The following FAM13A variants were observed in gnomAD, a reference collection of about 807,000 sequenced individuals.
The protein encoded by FAM13A is protein FAM13A.
In FAM13A, 76 loss-of-function variants were observed where a neutral mutation model predicts 129.6. That is an observed-to-expected ratio of 0.59 (90% CI 0.49 to 0.71). The LOEUF (loss-of-function observed/expected upper bound fraction) is 0.71. FAM13A is among the 30% of genes least tolerant of loss of function. The pLI is 0.00. For synonymous variants in FAM13A, 443 were observed against 449.9 expected (o/e 0.98, Z 0.20); for missense variants, 1,108 against 1,249.3 (o/e 0.89, Z 1.70).
chr4:88,750,418 A>C lies in FAM13A; in HGVS notation c.1940+6T>G. 1 of 1,609,960 alleles carries C rather than the reference A, an allele frequency of 6.2e-7. No homozygotes were observed. Among genetic ancestry groups the C allele is most frequent in the Non-Finnish European group, 8.5e-7 (1 of 1,176,156 alleles). On this transcript the variant is annotated splice_donor_region_variant and intron_variant, in intron 15 of 23. Transcript: ENST00000264344. ...ATTTGTCTATCAGCAACACAGAGAA[A>C]CATACCTCATGAAAGAATGGGAGTT...
At chr4:88,731,842 A>G (rs554397512) in intron 22 of FAM13A, 160 bp downstream of exon 22, 53 of 629,210 alleles carry the variant, frequency 8.4e-5, no homozygotes, top group Non-Finnish European at 1.3e-4. Flanking sequence ...TGAAGCATAT[A>G]AAAAAAGAAA....
At chr4:88,842,182 T>A (rs1735951563) in intron 7 of FAM13A, among the ~76,000 whole-genome samples, 2 of 152,212 alleles carry the variant, frequency 1.3e-5, no homozygotes, top group South Asian at 4.1e-4. Flanking sequence ...TGTGATTCTA[T>A]TTATATAAAA....
chr4:88,748,823 G>T, intron 17 of FAM13A, 129 bp downstream of exon 17: 1 of 751,320 alleles, frequency 1.3e-6, no homozygotes, highest in Non-Finnish European at 2.4e-6. Flanking sequence ...ACTCTGAATA[G>T]CTGAGAGTGC....
intron 1 of FAM13A, among the ~76,000 whole-genome samples, chr4:89,037,433 G>A (rs1009061789): frequency 1.3e-5 from 2 of 152,146 alleles, no homozygotes; most frequent in African/African-American, 4.8e-5. Context: ...CCTAACACCT[G>A]TACCCCATTT....
At chr4:88,834,196 G>C (rs1578874042) in intron 7 of FAM13A, among the ~76,000 whole-genome samples, 1 of 139,296 alleles carries the variant, frequency 7.2e-6, no homozygotes, top group Admixed American at 7.2e-5. Flanking sequence ...ATAGGCGTGA[G>C]CCGCCATGCC....
At chr4:88,965,644 C>T (rs1366982298) in intron 4 of FAM13A, among the ~76,000 whole-genome samples, 1 of 151,882 alleles carries the variant, frequency 6.6e-6, no homozygotes, top group East Asian at 1.9e-4. Flanking sequence ...TATTTATATC[C>T]ACATCGTTGT....
At chr4:88,927,269 T>C (rs1752352401) in intron 5 of FAM13A, among the ~76,000 whole-genome samples, 1 of 151,996 alleles carries the variant, frequency 6.6e-6, no homozygotes, top group Non-Finnish European at 1.5e-5. Context: ...GCTAGGTCCT[T>C]AATGGTATAT....
chr4:88,767,343 A>G (rs1745881406), intron 13 of FAM13A, among the ~76,000 whole-genome samples: 1 of 152,264 alleles, frequency 6.6e-6, no homozygotes, highest in Non-Finnish European at 1.5e-5. Flanking sequence ...GTTTATCATC[A>G]TAAGCAAAAC....
intron 4 of FAM13A, among the ~76,000 whole-genome samples, chr4:88,958,196 G>A (rs1758056290): frequency 1.3e-5 from 2 of 152,184 alleles, no homozygotes; most frequent in Admixed American, 1.3e-4. Context: ...AAGGCCTCAA[G>A]GGCACTTCAG....
At chr4:88,929,180 GT>G (rs34612690) in intron 5 of FAM13A, among the ~76,000 whole-genome samples, 141 of 150,430 alleles carry the variant, frequency 9.4e-4, no homozygotes, top group Middle Eastern at 3.4e-3. Flanking sequence ...TTGGCTGATA[GT>G]TTTTTTTTTC....
intron 8 of FAM13A, among the ~76,000 whole-genome samples, chr4:88,791,358 T>A (rs1265940024): frequency 1.3e-5 from 2 of 152,120 alleles, no homozygotes; most frequent in African/African-American, 4.8e-5. Context: ...ATGATAAAAT[T>A]ACAAAACACT....
At chr4:88,733,430 T>C (rs575476940) in intron 21 of FAM13A, among the ~76,000 whole-genome samples, 3 of 152,348 alleles carry the variant, frequency 2.0e-5, no homozygotes, top group Non-Finnish European at 4.4e-5. Context: ...CATTTAAAAG[T>C]TTACAAAGTA....
intron 6 of FAM13A, among the ~76,000 whole-genome samples, chr4:88,897,434 A>G (rs568238332): frequency 5.9e-5 from 9 of 152,330 alleles, no homozygotes; most frequent in African/African-American, 1.9e-4. Context: ...GAAAAGAAAT[A>G]TAACACTTTT....
chr4:88,746,811 T>G, intron 19 of FAM13A, 121 bp downstream of exon 19: 1 of 688,040 alleles, frequency 1.5e-6, no homozygotes. Flanking sequence ...CTAACCTCCT[T>G]TATCCTAAAA....
At position 88,737,596 on chromosome 4, in the gene FAM13A, T is replaced by C. The variant is rs769190343; in HGVS notation, c.2563-41A>G. ...ACAAGTAGGTTACATTCCGAACCCC[T>C]TTCCCTTTCCCTCCAGCTCTCGGCC... On this transcript the variant is annotated intron_variant, in intron 20 of 23. Transcript: ENST00000264344. 105 of 1,514,342 alleles carry C rather than the reference T, an allele frequency of 6.9e-5. 1 individual carries two copies. In the South Asian group the frequency reaches 1.2e-3, roughly 17 times the overall value. The allele number at this position is 1,514,342 out of a possible 1,614,324, so 93.8% of individuals were successfully genotyped here.
chr4:88,786,415 C>T (rs1350219523), intron 10 of FAM13A, among the ~76,000 whole-genome samples: 2 of 152,206 alleles, frequency 1.3e-5, no homozygotes, highest in African/African-American at 2.4e-5. Context: ...TTTGTGCTTT[C>T]TCTATAACAC....
chr4:88,930,631 T>C (rs1282009678), intron 5 of FAM13A, among the ~76,000 whole-genome samples: 2 of 152,192 alleles, frequency 1.3e-5, no homozygotes, highest in Non-Finnish European at 2.9e-5. Flanking sequence ...TTTAGCTTGC[T>C]GCAGCATTAG....
intron 11 of FAM13A, 102 bp from the exon 12 acceptor site, chr4:88,768,161 T>G: frequency 3.2e-6 from 2 of 615,968 alleles, no homozygotes; most frequent in Non-Finnish European, 5.8e-6. Flanking sequence ...TATGTATATA[T>G]AAACTAATTC....
At chr4:88,850,979 T>G in intron 7 of FAM13A, 41 bp downstream of exon 7, 2 of 1,594,010 alleles carry the variant, frequency 1.3e-6, no homozygotes, top group South Asian at 2.2e-5. Context: ...TAAGAGCGAA[T>G]AATGCAATAT....
Sources: gnomAD v4.1 joint callset for allele counts (sites outside exome capture counted in the v4.1 genomes callset) on GRCh38, gnomAD v4.1.1 for gene constraint, MANE v1.5 for transcripts, NCBI Gene and HGNC (gene_info 2026-07-23, HGNC 2026-07-21) for gene names.